Variants in ARHGAP26 observed in about 807,000 individuals in gnomAD.
ARHGAP26 encodes Rho GTPase activating protein 26.
ARHGAP26 carries 38 observed loss-of-function variants against 104.8 expected under a neutral mutation model. The ratio of observed to expected loss-of-function variants is 0.36; its 90% CI spans 0.28 to 0.48. The LOEUF is 0.48. ARHGAP26 is among the 20% of genes least tolerant of loss of function. The pLI is 0.99. For missense variants in ARHGAP26, 704 were observed against 947.9 expected (o/e 0.74, Z 3.38); for synonymous variants, 341 against 340.0 (o/e 1.00, Z -0.03).
chr5:142,791,800 C>T (rs758507970), intron 1 of ARHGAP26, among the ~76,000 whole-genome samples: 1 of 151,958 alleles, frequency 6.6e-6, no homozygotes, highest in African/African-American at 2.4e-5. Flanking sequence ...CCCGTCTCTA[C>T]TAAAAACACA....
chr5:143,161,760 A>G (rs912083431), intron 20 of ARHGAP26, among the ~76,000 whole-genome samples: 1 of 152,226 alleles, frequency 6.6e-6, no homozygotes, highest in South Asian at 2.1e-4. Flanking sequence ...TTGTAAGGGT[A>G]GAAGTGATAT....
At chr5:142,841,467 G>T (rs1561932689) in intron 1 of ARHGAP26, among the ~76,000 whole-genome samples, 1 of 152,202 alleles carries the variant, frequency 6.6e-6, no homozygotes, top group Non-Finnish European at 1.5e-5. Context: ...GGATGCAGCG[G>T]TTCCTGCAGT....
At chr5:142,844,347 A>G (rs962895649) in intron 1 of ARHGAP26, among the ~76,000 whole-genome samples, 3 of 151,708 alleles carry the variant, frequency 2.0e-5, no homozygotes, top group Admixed American at 2.0e-4. Flanking sequence ...CACAGTGCCC[A>G]GTGCTTTATA....
chr5:142,878,075 T>C (rs1478711556), intron 3 of ARHGAP26, among the ~76,000 whole-genome samples: 2 of 152,258 alleles, frequency 1.3e-5, no homozygotes, highest in Non-Finnish European at 2.9e-5. Context: ...GACTTGACTT[T>C]TTCTGTCCCT....
chr5:143,089,922 A>T lies in ARHGAP26; in HGVS notation c.1539-31066A>T, dbSNP rs551107994. ...AATGCCAGGGTGAAAGGGATAGCCAATTGGACTAAAGCATAAGTGCCACTC... is the reference window on the plus strand; with the variant it reads ...AATGCCAGGGTGAAAGGGATAGCCATTTGGACTAAAGCATAAGTGCCACTC... On this transcript the variant is annotated intron_variant, in intron 17 of 22. Coordinates refer to ENST00000645722, the MANE Select transcript of ARHGAP26 (RefSeq NM_001135608.3). Among the ~76,000 whole-genome samples, 13 of 152,332 alleles carry T rather than the reference A, an allele frequency of 8.5e-5. 1 individual carries two copies. In the East Asian group the frequency reaches 2.3e-3, roughly 27 times the overall value.
chr5:143,080,929 T>C (rs1395322245), intron 17 of ARHGAP26, among the ~76,000 whole-genome samples: 2 of 152,064 alleles, frequency 1.3e-5, no homozygotes, highest in African/African-American at 2.4e-5. Flanking sequence ...GTGGTGGAAA[T>C]GCTGAACAGT....
chr5:143,054,924 T>A (rs1785579366), intron 15 of ARHGAP26, among the ~76,000 whole-genome samples: 1 of 152,224 alleles, frequency 6.6e-6, no homozygotes, highest in Non-Finnish European at 1.5e-5. Context: ...TTACACAGAG[T>A]ACATTGCTGA....
At chr5:142,980,942 CGTA>C (rs1218733089) in intron 11 of ARHGAP26, among the ~76,000 whole-genome samples, 2 of 152,082 alleles carry the variant, frequency 1.3e-5, no homozygotes, top group Non-Finnish European at 2.9e-5. Context: ...ATGTGTGTAT[CGTA>C]GTAGTAGTTG....
rs1457075635 is a variant in ARHGAP26 at position 143,207,244 on chromosome 5, A to G, written c.2035A>G (p.Met679Val). ...TTCACCCCTCTCGCCATCTTGGCCCATGTTCTCGGCGCCATCCAGCCCTAT... is the reference window on the plus strand; with the variant it reads ...TTCACCCCTCTCGCCATCTTGGCCCGTGTTCTCGGCGCCATCCAGCCCTAT... ...PTSPLSPSWP[M>V]FSAPSSPMPT... Residue 679 changes from methionine to valine, a missense_variant, in exon 21 of 23, where the codon ATG becomes GTG. By Grantham distance (21) the Met-to-Val change is conservative. Coordinates refer to ENST00000645722, the MANE Select transcript of ARHGAP26 (RefSeq NM_001135608.3). 1 of 1,613,638 alleles carries G rather than the reference A, an allele frequency of 6.2e-7. No individual in the cohort carries two copies. The highest frequency in any genetic ancestry group is 8.5e-7 in the Non-Finnish European group (1 of 1,179,896).
intron 12 of ARHGAP26, among the ~76,000 whole-genome samples, chr5:143,020,632 C>CTTTTTT (rs11357774): frequency 2.6e-4 from 16 of 61,726 alleles, no homozygotes; most frequent in South Asian, 1.7e-3. Flanking sequence ...TGCTCTAGTG[C>CTTTTTT]TTTTTTTTTT....
At chr5:142,872,730 C>T (rs1017038735) in intron 1 of ARHGAP26, among the ~76,000 whole-genome samples, 3 of 152,074 alleles carry the variant, frequency 2.0e-5, no homozygotes, top group Non-Finnish European at 2.9e-5. Context: ...AAAATGTTGC[C>T]GGGGCTTTGT....
At chr5:143,088,769 C>T (rs1790971700) in intron 17 of ARHGAP26, among the ~76,000 whole-genome samples, 1 of 152,316 alleles carries the variant, frequency 6.6e-6, no homozygotes, top group East Asian at 1.9e-4. Context: ...CATATGTGAT[C>T]CCTGCCGCTG....
chr5:142,968,062 C>CTCCTCT (rs920093451), intron 11 of ARHGAP26, among the ~76,000 whole-genome samples: 3 of 152,150 alleles, frequency 2.0e-5, no homozygotes, highest in African/African-American at 7.2e-5. Context: ...CTTGCTTCTC[C>CTCCTCT]TCCTCTTCCT....
chr5:143,108,711 G>A (rs995065870), intron 17 of ARHGAP26, among the ~76,000 whole-genome samples: 1 of 152,184 alleles, frequency 6.6e-6, no homozygotes, highest in Non-Finnish European at 1.5e-5. Context: ...AAGGAGATAG[G>A]TTACCTAGGG....
At chr5:143,013,053 A>T (rs896448199) in intron 11 of ARHGAP26, among the ~76,000 whole-genome samples, 11 of 152,072 alleles carry the variant, frequency 7.2e-5, no homozygotes, top group Admixed American at 1.3e-4. Context: ...CCAGCCCACC[A>T]CCTTCTTTTG....
chr5:143,064,412 T>G (rs189122010), intron 17 of ARHGAP26, among the ~76,000 whole-genome samples: 1 of 152,018 alleles, frequency 6.6e-6, no homozygotes, highest in East Asian at 1.9e-4. Flanking sequence ...TTTTTTTTTT[T>G]TTCTCCTGGA....
At chr5:143,035,778 A>G (rs934128117) in intron 12 of ARHGAP26, among the ~76,000 whole-genome samples, 1 of 151,974 alleles carries the variant, frequency 6.6e-6, no homozygotes, top group Non-Finnish European at 1.5e-5. Context: ...TCTACTAAAA[A>G]TACAAAACTT....
At chr5:142,982,835 T>C (rs989017781) in intron 11 of ARHGAP26, among the ~76,000 whole-genome samples, 1 of 152,202 alleles carries the variant, frequency 6.6e-6, no homozygotes, top group South Asian at 2.1e-4. Flanking sequence ...CCCTGGGATC[T>C]TCAGTCCAGG....
In ARHGAP26 at chr5:142,995,683, A is replaced by G. The variant is rs150137869; in HGVS notation, c.1108-18397A>G. Among the ~76,000 whole-genome samples, 549 of 152,356 alleles carry G rather than the reference A, an allele frequency of 3.6e-3. 6 individuals are homozygous for G. Among genetic ancestry groups the G allele is most frequent in the Non-Finnish European group, 4.2e-3 (284 of 68,034 alleles). ...CTGGGTGTATATCCAAAGGATTACA[A>G]ATCATTCTACTATAAAGACACATGC... On this transcript the variant is annotated intron_variant, in intron 11 of 22. Transcript: ENST00000645722.
Sources: allele counts gnomAD v4.1 joint callset (sites outside exome capture counted in the v4.1 genomes callset), GRCh38; gene constraint gnomAD v4.1.1; transcripts MANE v1.5; gene names NCBI Gene and HGNC (gene_info 2026-07-23, HGNC 2026-07-21).